Variants in SPTBN1 observed in about 807,000 individuals in gnomAD.
The protein encoded by SPTBN1 is spectrin beta, non-erythrocytic 1.
Under a neutral mutation model 266.4 loss-of-function variants are expected in SPTBN1, and 32 were observed. That is an observed-to-expected ratio of 0.12 (90% confidence interval 0.09 to 0.16). The LOEUF is 0.16. Among genes scored for constraint, SPTBN1 ranks in the 10% least tolerant of loss-of-function variants. SPTBN1 has a pLI of 1.00. For missense variants in SPTBN1, 2,296 were observed against 3,067.1 expected (o/e 0.75, Z 5.94); for synonymous variants, 1,336 against 1,162.2 (o/e 1.15, Z -3.04).
Position 54,558,659 on chromosome 2 carries a change from G to A in SPTBN1, c.148+32093G>A. Reference sequence around the variant, plus strand: ...GATCACCCTGCTGGACTTGCAGACCGGAATGGGGCTCGCCTAAGGAGCCGA... The same window carrying A: ...GATCACCCTGCTGGACTTGCAGACCAGAATGGGGCTCGCCTAAGGAGCCGA... On this transcript the variant is annotated intron_variant, in intron 2 of 35. Transcript: ENST00000356805. The surrounding 1 kb of genome is among the most constrained non-coding windows in gnomAD (Gnocchi z 4.6). 3 of 1,497,714 alleles carry A rather than the reference G, an allele frequency of 2.0e-6. No homozygotes were observed. The highest frequency in any genetic ancestry group is 2.7e-5 in the South Asian group (2 of 73,500). 92.8% of individuals were successfully genotyped at this position (1,497,714 alleles called of 1,614,324 possible). A position where few individuals can be genotyped will look rare whatever the true frequency, so the allele number is the denominator to read the frequency against.
chr2:54,479,812 A>G (rs2103924569), intron 1 of SPTBN1, among the ~76,000 whole-genome samples: 1 of 152,270 alleles, frequency 6.6e-6, no homozygotes, highest in South Asian at 2.1e-4. Flanking sequence ...CCATTTAAGT[A>G]TTCAGTTCGC....
At chr2:54,630,126 G>A in intron 15 of SPTBN1, 97 bp downstream of exon 15, 1 of 1,481,184 alleles carries the variant, frequency 6.8e-7, no homozygotes, top group Non-Finnish European at 9.1e-7. Flanking sequence ...TTCCCACATG[G>A]GGTCATCGAC....
chr2:54,666,578 C>G (rs1312332508), intron 34 of SPTBN1, among the ~76,000 whole-genome samples: 2 of 152,206 alleles, frequency 1.3e-5, no homozygotes, highest in African/African-American at 4.8e-5. Flanking sequence ...ACTCTCCCAG[C>G]AGATGCTCCA....
At chr2:54,665,153 T>G (rs958197614) in intron 33 of SPTBN1, among the ~76,000 whole-genome samples, 5 of 152,222 alleles carry the variant, frequency 3.3e-5, no homozygotes, top group Admixed American at 6.5e-5. Context: ...AACAAAGCTT[T>G]CTTTCTGTGG....
rs1216406125 is a variant in SPTBN1 at position 54,631,228 on chromosome 2, G to T, written c.3181G>T (p.Ala1061Ser). The T allele has an allele frequency of 3.1e-6, 5 of 1,614,062 alleles. No homozygotes were observed. Among genetic ancestry groups the T allele is most frequent in the Non-Finnish European group, 4.2e-6 (5 of 1,180,022 alleles). ...AAACCGAGAGGCCTCCCTGGGAGAG[G>T]CCAGCAAGCTGCAGCAGTTCCTACG... is the stretch of plus-strand genomic sequence containing the variant. The part of the protein sequence containing the change: ...LKNREASLGE[A>S]SKLQQFLRDL... Residue 1061 changes from alanine to serine, a missense_variant, in exon 16 of 36, where the codon GCC (alanine) becomes TCC (serine). By Grantham distance (99) the Ala-to-Ser change is moderately conservative. Around this residue, in one of 12 missense-constraint regions of SPTBN1, gnomAD observed 18 missense variants for 50.3 expected, o/e 0.36. Transcript: ENST00000356805.
At chr2:54,537,446 G>T (rs1671679964) in intron 2 of SPTBN1, among the ~76,000 whole-genome samples, 1 of 152,232 alleles carries the variant, frequency 6.6e-6, no homozygotes, top group South Asian at 2.1e-4. Flanking sequence ...TTGGTGAGGA[G>T]CTGGAAGCCA....
intron 2 of SPTBN1, among the ~76,000 whole-genome samples, chr2:54,579,237 C>T (rs185673360): frequency 2.6e-5 from 4 of 152,178 alleles, no homozygotes; most frequent in East Asian, 1.9e-4. Flanking sequence ...GGAGCTTTGA[C>T]GGCACATAGA....
At chr2:54,483,112 C>CCT (rs1229515397) in intron 1 of SPTBN1, among the ~76,000 whole-genome samples, 1 of 152,148 alleles carries the variant, frequency 6.6e-6, no homozygotes, top group Non-Finnish European at 1.5e-5. Context: ...GGAACCGAAG[C>CCT]CTGAGTATTG....
At chr2:54,518,157 G>C (rs1035797699) in intron 1 of SPTBN1, among the ~76,000 whole-genome samples, 1 of 151,802 alleles carries the variant, frequency 6.6e-6, no homozygotes. Context: ...TCCTTTTTTG[G>C]CACTAGCCCC....
At chr2:54,633,578 C>T (rs901837701) in intron 17 of SPTBN1, among the ~76,000 whole-genome samples, 1 of 152,304 alleles carries the variant, frequency 6.6e-6, no homozygotes, top group Admixed American at 6.5e-5. Flanking sequence ...GTTGGATGCA[C>T]TAGCACAGGC....
chr2:54,610,268 T>G (rs1419642027), intron 3 of SPTBN1, among the ~76,000 whole-genome samples: 1 of 152,242 alleles, frequency 6.6e-6, no homozygotes, highest in Admixed American at 6.5e-5. Flanking sequence ...TGCCATCCTT[T>G]GCTGGTGTTA....
At chr2:54,582,498 A>G (rs547938776) in intron 2 of SPTBN1, among the ~76,000 whole-genome samples, 5 of 149,934 alleles carry the variant, frequency 3.3e-5, no homozygotes, top group Non-Finnish European at 1.5e-5. Context: ...CAGGAGGCGG[A>G]GCTTGCAGTG....
At position 54,457,674 on chromosome 2, in the gene SPTBN1, C is replaced by A. The variant is rs536403074; in HGVS notation, c.-48+1156C>A. Among the ~76,000 whole-genome samples, 16 of 152,312 alleles carry A rather than the reference C, an allele frequency of 1.1e-4. No individual in the cohort carries two copies. The South Asian group carries it at 2.1e-3, about 20-fold the overall frequency. ...TCTCGCTGGCGGGGCTTGGCACGGC[C>A]GCTCGGCGCCTGCGGCCCCCGCCCG... On this transcript the variant is annotated intron_variant, in intron 1 of 35. Coordinates refer to ENST00000356805, the MANE Select transcript of SPTBN1 (RefSeq NM_003128.3).
rs1243999162 is a variant in SPTBN1 at position 54,655,062 on chromosome 2, A to G, written c.5823-8A>G. ...CTCCTAACGGAGGCATCGTTTGTCT[A>G]ATTTTAGGGATGTATCATCTGTTGA... On this transcript the variant is annotated splice_region_variant and splice_polypyrimidine_tract_variant and intron_variant, in intron 27 of 35. Transcript: ENST00000356805. The G allele has an allele frequency of 1.2e-6, 2 of 1,606,832 alleles. No individual in the cohort carries two copies. The highest frequency in any genetic ancestry group is 2.2e-5 in the East Asian group (1 of 44,710).
At chr2:54,568,909 T>C (rs1294685225) in intron 2 of SPTBN1, among the ~76,000 whole-genome samples, 1 of 152,236 alleles carries the variant, frequency 6.6e-6, no homozygotes, top group Admixed American at 6.5e-5. Flanking sequence ...AGTAGAATGA[T>C]CCTATATTAA....
At chr2:54,567,939 G>C (rs1673776890) in intron 2 of SPTBN1, among the ~76,000 whole-genome samples, 1 of 152,094 alleles carries the variant, frequency 6.6e-6, no homozygotes, top group African/African-American at 2.4e-5. Context: ...AGTGAAATAG[G>C]GGACTTAGAA....
chr2:54,461,557 G>A (rs1164333716), intron 1 of SPTBN1, among the ~76,000 whole-genome samples: 2 of 152,194 alleles, frequency 1.3e-5, no homozygotes, highest in African/African-American at 2.4e-5. Flanking sequence ...TATGTTGATC[G>A]TGTTCCCACT....
chr2:54,593,592 G>A (rs766075794), intron 2 of SPTBN1, among the ~76,000 whole-genome samples: 2 of 152,008 alleles, frequency 1.3e-5, no homozygotes, highest in Non-Finnish European at 2.9e-5. Flanking sequence ...ATGGTGAGAA[G>A]TGTTTGAACC....
intron 1 of SPTBN1, among the ~76,000 whole-genome samples, chr2:54,478,157 C>T (rs1395692519): frequency 6.6e-6 from 1 of 152,050 alleles, no homozygotes; most frequent in Non-Finnish European, 1.5e-5. Context: ...GAACCTGCAC[C>T]AGTTGCCACA....
Sources: gnomAD v4.1 joint callset for allele counts (sites outside exome capture counted in the v4.1 genomes callset) on GRCh38, gnomAD v4.1.1 for gene constraint, gnomAD v4.1.1 regional missense constraint, Gnocchi (gnomAD v3.1) non-coding constraint, MANE v1.5 for transcripts, NCBI Gene and HGNC (gene_info 2026-07-23, HGNC 2026-07-21) for gene names.